The following PMS1 variants were observed in gnomAD, a reference collection of about 807,000 sequenced individuals.
The protein encoded by PMS1 is PMS1 homolog 1, mismatch repair system component.
In PMS1, 79 loss-of-function variants were observed where a neutral mutation model predicts 93.1. The observed-to-expected ratio is 0.85, with a 90% CI of 0.71 to 1.02. The LOEUF (loss-of-function observed/expected upper bound fraction) is 1.02, where lower values mean the gene tolerates loss of function less well. Ranked by LOEUF, PMS1 falls within the 50% of genes least tolerant of loss-of-function variation. The pLI is 0.00. For synonymous variants in PMS1, 335 were observed against 363.4 expected (o/e 0.92, Z 0.89); for missense variants, 1,064 against 1,085.3 (o/e 0.98, Z 0.28).
chr2:189,800,933 T>C (rs971207380), intron 3 of PMS1, among the ~76,000 whole-genome samples: 6 of 152,238 alleles, frequency 3.9e-5, no homozygotes, highest in African/African-American at 1.4e-4. Flanking sequence ...TATACTTGAA[T>C]GGTCAGTTTT....
At chr2:189,827,325 G>T (rs1434373354) in intron 5 of PMS1, among the ~76,000 whole-genome samples, 1 of 152,148 alleles carries the variant, frequency 6.6e-6, no homozygotes, top group Non-Finnish European at 1.5e-5. Flanking sequence ...CTGTACAAAT[G>T]TAGCTTTTTG....
At chr2:189,819,576 G>A (rs542615779) in intron 5 of PMS1, among the ~76,000 whole-genome samples, 1 of 152,162 alleles carries the variant, frequency 6.6e-6, no homozygotes, top group Admixed American at 6.5e-5. Flanking sequence ...TAGCCATTCT[G>A]ACTAAGGCAA....
Position 189,873,724 on chromosome 2 carries a change from A to G in PMS1, c.2634+68A>G. ...CAACTCCCGGGCCAAGCCGGTTAGG[A>G]ACCAGGCCACACAGCAGGAGGTGAG... On this transcript the variant is annotated intron_variant, in intron 12 of 12. Transcript: ENST00000441310. 2.6e-6 allele frequency: 3 copies of G among 1,176,268 alleles called. No individual in the cohort carries two copies. In the East Asian group the frequency reaches 7.3e-5, roughly 28 times the overall value. The allele number at this position is 1,176,268 out of a possible 1,614,324, so 72.9% of individuals were successfully genotyped here.
intron 5 of PMS1, among the ~76,000 whole-genome samples, chr2:189,835,705 C>T (rs376081710): frequency 2.0e-5 from 3 of 151,930 alleles, no homozygotes; most frequent in African/African-American, 2.4e-5. Context: ...GTGGGAGGAT[C>T]GCTTGAGTCC....
At chr2:189,831,357 A>G (rs757876964) in intron 5 of PMS1, among the ~76,000 whole-genome samples, 1 of 152,224 alleles carries the variant, frequency 6.6e-6, no homozygotes, top group Non-Finnish European at 1.5e-5. Context: ...TAGGGAGACC[A>G]TAAACATTTA....
chr2:189,788,567 C>G (rs943844395), intron 1 of PMS1, among the ~76,000 whole-genome samples: 3 of 152,118 alleles, frequency 2.0e-5, no homozygotes, highest in Non-Finnish European at 4.4e-5. Flanking sequence ...AACCACTGCT[C>G]TATCCAGCAC....
intron 2 of PMS1, among the ~76,000 whole-genome samples, chr2:189,792,822 A>AT (rs2049008844): frequency 1.4e-5 from 2 of 148,110 alleles, no homozygotes; most frequent in East Asian, 2.0e-4. Flanking sequence ...TTTATTTTTT[A>AT]TTTTTTTGAG....
chr2:189,822,168 G>A (rs1269734755), intron 5 of PMS1, among the ~76,000 whole-genome samples: 2 of 152,204 alleles, frequency 1.3e-5, no homozygotes, highest in Admixed American at 6.5e-5. Context: ...GCGGGCAGTG[G>A]AGGAGGAGGC....
At chr2:189,853,751 A>G (rs567061574) in intron 7 of PMS1, among the ~76,000 whole-genome samples, 188 bp from the exon 8 acceptor site, 1 of 152,122 alleles carries the variant, frequency 6.6e-6, no homozygotes, top group African/African-American at 2.4e-5. Context: ...TCCTGACCTC[A>G]AGTGATCCCC....
chr2:189,843,797 A>C (rs2054010513), intron 5 of PMS1, among the ~76,000 whole-genome samples, 167 bp from the exon 6 acceptor site: 1 of 152,258 alleles, frequency 6.6e-6, no homozygotes, highest in Non-Finnish European at 1.5e-5. Flanking sequence ...TTTAAAATTC[A>C]GAACCAGAGT....
At position 189,877,523 on chromosome 2, in the gene PMS1, A is replaced by C; in HGVS notation, c.*87A>C. The C allele has an allele frequency of 1.4e-5, 12 of 849,912 alleles. No homozygotes were observed. The highest frequency in any genetic ancestry group is 2.3e-5 in the Non-Finnish European group (12 of 523,042). The allele number at this position is 849,912 out of a possible 1,614,324, so 52.6% of individuals were successfully genotyped here. A position where few individuals can be genotyped will look rare whatever the true frequency, so the allele number is the denominator to read the frequency against. Reference sequence around the variant, plus strand: ...TCTGGTTTTAAATTATCTTTGTATTATGTGTCACATGGTTATTTTTTAAAT... The same window carrying C: ...TCTGGTTTTAAATTATCTTTGTATTCTGTGTCACATGGTTATTTTTTAAAT... On this transcript the variant is annotated 3_prime_UTR_variant, in exon 13 of 13. Transcript: ENST00000441310.
intron 5 of PMS1, among the ~76,000 whole-genome samples, chr2:189,833,694 A>T (rs1435812138): frequency 6.6e-6 from 1 of 152,180 alleles, no homozygotes; most frequent in Non-Finnish European, 1.5e-5. Flanking sequence ...TAATGATATG[A>T]TTATTTTTAA....
intron 1 of PMS1, among the ~76,000 whole-genome samples, chr2:189,788,961 T>C (rs13392056): frequency 1.3e-5 from 2 of 152,176 alleles, no homozygotes; most frequent in Non-Finnish European, 2.9e-5. Context: ...GTGAATGTTA[T>C]GATGATGGAG....
Position 189,855,125 on chromosome 2 carries a change from T to C in PMS1, c.1853T>C (p.Leu618Pro), listed in dbSNP as rs145406444. Residue 618 changes from leucine (L) to proline (P), a missense_variant, in exon 9 of 13, where the codon CTG becomes CCG. Physicochemically the swap from Leu to Pro is moderately conservative, Grantham distance 98. Coordinates refer to ENST00000441310, the MANE Select transcript of PMS1 (RefSeq NM_000534.5). Reference protein sequence around the residue: ...LWKTLSEEEKLKYEEKATKDL... With the variant: ...LWKTLSEEEKPKYEEKATKDL... ...AAGACATTGAGTGAAGAGGAAAAAC[T>C]GAAGTAAGTTTCCAGAGCTTGCATG... 6.2e-7 allele frequency: 1 copy of C among 1,612,134 alleles called. No homozygotes were observed. Among genetic ancestry groups the C allele is most frequent in the Admixed American group, 1.7e-5 (1 of 59,956 alleles).
rs5743137 is a variant in PMS1 at position 189,854,214 on chromosome 2, A to C, written c.967-25A>C. 3.6e-3 allele frequency: 5,586 copies of C among 1,543,094 alleles called. 19 individuals carry two copies. The highest frequency in any genetic ancestry group is 4.7e-3 in the Non-Finnish European group (5,352 of 1,132,712). ...GTCTATTATTTTCATAATTTCCCCT[A>C]ACATTTGTTAATTTGTATTTTTAGG... On this transcript the variant is annotated intron_variant, in intron 8 of 12. Coordinates refer to ENST00000441310, the MANE Select transcript of PMS1 (RefSeq NM_000534.5).
At chr2:189,852,527 T>C in intron 6 of PMS1, 128 bp from the exon 7 acceptor site, 1 of 768,798 alleles carries the variant, frequency 1.3e-6, no homozygotes, top group Middle Eastern at 3.7e-4. Flanking sequence ...TATCAGGAAG[T>C]ATATGGCTTT....
At chr2:189,845,472 G>GTT (rs568618660) in intron 6 of PMS1, among the ~76,000 whole-genome samples, 250 of 151,000 alleles carry the variant, frequency 1.7e-3, no homozygotes, top group African/African-American at 6.0e-3. Context: ...ATTTTCAAAA[G>GTT]TTTTTTTTTA....
At chr2:189,798,507 A>C (rs1464971486) in intron 3 of PMS1, among the ~76,000 whole-genome samples, 2 of 152,212 alleles carry the variant, frequency 1.3e-5, no homozygotes, top group African/African-American at 4.8e-5. Context: ...CACTCGCTTT[A>C]TTTGGAGTTC....
intron 9 of PMS1, among the ~76,000 whole-genome samples, chr2:189,860,848 G>A (rs2055906815): frequency 1.1e-5 from 1 of 92,864 alleles, no homozygotes; most frequent in African/African-American, 4.7e-5. Context: ...TTGAGGAGGA[G>A]GATCTCTAGT....
Sources: allele counts gnomAD v4.1 joint callset (sites outside exome capture counted in the v4.1 genomes callset), GRCh38; gene constraint gnomAD v4.1.1; transcripts MANE v1.5; gene names NCBI Gene and HGNC (gene_info 2026-07-23, HGNC 2026-07-21).